The following CABIN1 variants were observed in gnomAD, a reference collection of about 807,000 sequenced individuals.
The protein encoded by CABIN1 is calcineurin-binding protein cabin-1.
In CABIN1, 133 loss-of-function variants were observed where a neutral mutation model predicts 227.7. That is an observed-to-expected ratio of 0.58 (90% confidence interval 0.51 to 0.67). CABIN1 has a LOEUF of 0.67. Ranked by LOEUF, CABIN1 falls within the 30% of genes least tolerant of loss-of-function variation. The pLI is 0.00. For missense variants in CABIN1, 2,408 were observed against 2,852.5 expected, an observed-to-expected ratio of 0.84 and a Z score of 3.55; for synonymous variants, 1,086 against 1,155.1, an observed-to-expected ratio of 0.94 and a Z score of 1.21.
rs1372499633 is a variant in CABIN1 at position 24,113,549 on chromosome 22, C to T, written c.4118-17C>T. ...TAGGTTAATGCTCTCGCCCTCTCTT[C>T]CTCCTTCTCCCCTCAGACCGAAGCC... is the stretch of plus-strand genomic sequence containing the variant. On this transcript the variant is annotated splice_polypyrimidine_tract_variant and intron_variant, in intron 26 of 36. Transcript: ENST00000263119. 7 of 1,613,410 alleles carry T rather than the reference C, an allele frequency of 4.3e-6. No homozygotes were observed. The highest frequency in any genetic ancestry group is 2.2e-5 in the South Asian group (2 of 91,064).
chr22:24,106,096 A>T (rs1159771805), intron 26 of CABIN1, among the ~76,000 whole-genome samples: 2 of 152,312 alleles, frequency 1.3e-5, no homozygotes, highest in South Asian at 2.1e-4. Context: ...GCAGCATGAG[A>T]GTGGTGCATT....
In CABIN1 at chr22:24,167,454, C is replaced by T. The variant is rs1021452360; in HGVS notation, c.5682+141C>T. The T allele has an allele frequency of 1.4e-5, 10 of 721,622 alleles. No individual in the cohort carries two copies. In the East Asian group the frequency reaches 1.6e-4, roughly 12 times the overall value. The allele number at this position is 721,622 out of a possible 1,614,324, so 44.7% of individuals were successfully genotyped here. ...GTTCCCACACCATCCCTGCTGTTCA[C>T]TTTCTGCAATGAGCTTTAAAAAGTC... On this transcript the variant is annotated intron_variant, in intron 32 of 36. Transcript: ENST00000263119.
chr22:24,176,421 C>A, intron 35 of CABIN1, 146 bp downstream of exon 35: 1 of 929,154 alleles, frequency 1.1e-6, no homozygotes. Flanking sequence ...GGGGGTAGTG[C>A]AGGCTGGACA....
At chr22:24,058,325 G>C (rs1005272675) in intron 10 of CABIN1, among the ~76,000 whole-genome samples, 9 of 152,224 alleles carry the variant, frequency 5.9e-5, no homozygotes, top group African/African-American at 1.9e-4. Flanking sequence ...ACTTAACTTA[G>C]TTTCTGCTTC....
intron 33 of CABIN1, among the ~76,000 whole-genome samples, chr22:24,169,284 G>A (rs1200470611): frequency 6.6e-6 from 1 of 152,114 alleles, no homozygotes; most frequent in South Asian, 2.1e-4. Flanking sequence ...ATTTGAGTAG[G>A]TGCAGTCTTT....
Position 24,113,715 on chromosome 22 carries a change from G to C in CABIN1, c.4267G>C (p.Gly1423Arg). 1 of 1,613,916 alleles carries C rather than the reference G, an allele frequency of 6.2e-7. No homozygotes were observed. The highest frequency in any genetic ancestry group is 1.3e-5 in the African/African-American group (1 of 75,020). ...TCTCAGTTCCCAAGCAGGAGCGACG[G>C]GTAAAGATCTTCAGGGGGCCACAGA... Reference protein sequence around the residue: ...PILSSQAGATGKDLQGATEER... With the variant: ...PILSSQAGATRKDLQGATEER... The change falls in exon 27 of 37, where the codon GGT (glycine) becomes CGT (arginine). Residue 1423 changes from glycine (G) to arginine (R), a missense_variant. Transcript: ENST00000263119.
rs1408126193 is a variant in CABIN1 at position 24,036,123 on chromosome 22, T to C, written c.38T>C (p.Ile13Thr). The C allele has an allele frequency of 3.1e-6, 5 of 1,613,530 alleles. No individual in the cohort carries two copies. The highest frequency in any genetic ancestry group is 1.7e-5 in the Admixed American group (1 of 59,988). Residue 13 changes from isoleucine (I) to threonine (T), a missense_variant, in exon 3 of 37, where the codon ATT becomes ACT. Physicochemically the swap from Ile to Thr is moderately conservative, Grantham distance 89. Coordinates refer to ENST00000263119, the MANE Select transcript of CABIN1 (RefSeq NM_012295.4). ...GCAGCCTTAAATGCCAGCTCCACCATTGAGGATGATCATGAAGGAAGCTTT... is the reference window on the plus strand; with the variant it reads ...GCAGCCTTAAATGCCAGCTCCACCACTGAGGATGATCATGAAGGAAGCTTT... Reference protein sequence around the residue: ...RIAALNASSTIEDDHEGSFKS... With the variant: ...RIAALNASSTTEDDHEGSFKS...
chr22:24,106,252 T>C (rs980179343), intron 26 of CABIN1, among the ~76,000 whole-genome samples: 1 of 152,240 alleles, frequency 6.6e-6, no homozygotes, highest in Non-Finnish European at 1.5e-5. Flanking sequence ...CCCAGAAGCC[T>C]TCCCTGTGCA....
intron 29 of CABIN1, among the ~76,000 whole-genome samples, chr22:24,149,298 T>A (rs986393466): frequency 2.0e-5 from 3 of 152,220 alleles, no homozygotes; most frequent in African/African-American, 7.2e-5. Context: ...TCAGTTTCTT[T>A]ATCTGCAAAG....
intron 34 of CABIN1, among the ~76,000 whole-genome samples, chr22:24,174,477 A>T (rs2046997111): frequency 6.6e-6 from 1 of 152,124 alleles, no homozygotes; most frequent in South Asian, 2.1e-4. Context: ...CCAGTGCCGT[A>T]ATCAGTTGGT....
At chr22:24,133,615 C>T (rs1370180702) in intron 28 of CABIN1, among the ~76,000 whole-genome samples, 1 of 152,208 alleles carries the variant, frequency 6.6e-6, no homozygotes, top group Non-Finnish European at 1.5e-5. Context: ...TCCTTTAGGA[C>T]AGCATGGTCC....
intron 7 of CABIN1, among the ~76,000 whole-genome samples, chr22:24,049,627 A>G (rs934399987): frequency 1.3e-5 from 2 of 152,268 alleles, no homozygotes; most frequent in Admixed American, 1.3e-4. Context: ...TGCCTCCAGG[A>G]CATAGCCCAT....
intron 33 of CABIN1, among the ~76,000 whole-genome samples, chr22:24,169,513 G>T (rs1389613907): frequency 6.6e-6 from 1 of 152,190 alleles, no homozygotes; most frequent in Non-Finnish European, 1.5e-5. Flanking sequence ...GACGAGGCAT[G>T]CTGTGGGGAG....
intron 28 of CABIN1, among the ~76,000 whole-genome samples, chr22:24,125,424 C>T (rs2043659826): frequency 6.6e-6 from 1 of 152,194 alleles, no homozygotes; most frequent in East Asian, 1.9e-4. Context: ...GTGGGGGACC[C>T]GTAGAAGCCA....
intron 4 of CABIN1, among the ~76,000 whole-genome samples, chr22:24,039,775 A>G (rs1280938009): frequency 6.6e-6 from 1 of 152,270 alleles, no homozygotes; most frequent in East Asian, 1.9e-4. Context: ...AAAAGGGACA[A>G]CATGCTCATT....
chr22:24,171,717 C>CG lies in CABIN1; in HGVS notation c.5767dup (p.Asp1923GlyfsTer27). 1 of 1,614,066 alleles carries CG rather than the reference C, an allele frequency of 6.2e-7. No individual in the cohort carries two copies. Among genetic ancestry groups the CG allele is most frequent in the Non-Finnish European group, 8.5e-7 (1 of 1,180,010 alleles). On this transcript the variant is annotated frameshift_variant, in exon 34 of 37. Transcript: ENST00000263119. LOFTEE classifies it high-confidence loss of function. ...ACCTCTTGTTTGTCCTCACAGGCCTCGGGGGACACCCCCACCACTCCAAAG... is the reference window on the plus strand; with the variant it reads ...ACCTCTTGTTTGTCCTCACAGGCCTCGGGGGGACACCCCCACCACTCCAAAG...
At chr22:24,140,675 A>G (rs1445253185) in intron 29 of CABIN1, among the ~76,000 whole-genome samples, 1 of 152,244 alleles carries the variant, frequency 6.6e-6, no homozygotes, top group African/African-American at 2.4e-5. Context: ...TTATTTTAGC[A>G]GGCAGGGTTT....
rs2148827131 is a variant in CABIN1 at position 24,176,288 on chromosome 22, G to A, written c.6205+13G>A. On this transcript the variant is annotated intron_variant, in intron 35 of 36. Transcript: ENST00000263119. ...ACCTGCAGCCAGGGTAAGGCGAGTT[G>A]GGAGCAGCCCAGCACCAGCCCCCAG... 6.3e-7 allele frequency: 1 copy of A among 1,590,626 alleles called. No individual in the cohort carries two copies. Among genetic ancestry groups the A allele is most frequent in the East Asian group, 2.3e-5 (1 of 43,558 alleles).
intron 26 of CABIN1, among the ~76,000 whole-genome samples, chr22:24,099,766 T>C (rs1218672373): frequency 6.6e-5 from 10 of 152,246 alleles, no homozygotes. Context: ...CCACATGCCA[T>C]GTGGCCGTGC....
Sources: allele counts gnomAD v4.1 joint callset (sites outside exome capture counted in the v4.1 genomes callset), GRCh38; gene constraint gnomAD v4.1.1; transcripts MANE v1.5; gene names NCBI Gene and HGNC (gene_info 2026-07-23, HGNC 2026-07-21).